Variants in ADAM12 observed in about 807,000 individuals in gnomAD.
ADAM12 encodes disintegrin and metalloproteinase domain-containing protein 12.
ADAM12 carries 70 observed loss-of-function variants against 106.4 expected under a neutral mutation model. The observed-to-expected ratio is 0.66, with a 90% confidence interval of 0.54 to 0.80. The LOEUF is 0.80. Among genes scored for constraint, ADAM12 ranks in the 30% least tolerant of loss-of-function variants. ADAM12 has a pLI of 0.00. For synonymous variants in ADAM12, 420 were observed against 433.5 expected, an observed-to-expected ratio of 0.97 and a Z score of 0.39; for missense variants, 1,010 against 1,171.9, an observed-to-expected ratio of 0.86 and a Z score of 2.02.
intron 3 of ADAM12, among the ~76,000 whole-genome samples, chr10:126,191,544 G>A (rs191533287): frequency 1.3e-5 from 2 of 152,048 alleles, no homozygotes; most frequent in East Asian, 3.9e-4. Context: ...TGGATCAGAG[G>A]GGGTGGGTAA....
Position 126,262,035 on chromosome 10 carries a change from G to C in ADAM12, c.260+16880C>G, listed in dbSNP as rs373117011. On this transcript the variant is annotated intron_variant, in intron 3 of 22. Coordinates refer to ENST00000448723, the MANE Select transcript of ADAM12 (RefSeq NM_001288973.2). ...CATAAGCCATGTTTGTACTGCAGTA[G>C]AATCTTTGAAAAGTCATCAATAGTA... Among the ~76,000 whole-genome samples, 119 of 152,174 alleles carry C rather than the reference G, an allele frequency of 7.8e-4. 1 individual carries two copies. In the South Asian group the frequency reaches 0.023, roughly 30 times the overall value.
At chr10:126,370,323 G>C (rs1283345492) in intron 1 of ADAM12, among the ~76,000 whole-genome samples, 1 of 152,196 alleles carries the variant, frequency 6.6e-6, no homozygotes, top group Non-Finnish European at 1.5e-5. Flanking sequence ...ATGCACTCAT[G>C]CATGTGCATT....
chr10:126,373,056 A>T (rs1463354990), intron 1 of ADAM12, among the ~76,000 whole-genome samples: 2 of 152,226 alleles, frequency 1.3e-5, no homozygotes, highest in Non-Finnish European at 2.9e-5. Flanking sequence ...TTTCCTGTAG[A>T]TAAATTAGTG....
intron 6 of ADAM12, among the ~76,000 whole-genome samples, chr10:126,111,248 T>C (rs1955861796): frequency 6.6e-6 from 1 of 152,212 alleles, no homozygotes. Context: ...ATCTTTACAA[T>C]GTTACAAGAA....
At chr10:126,149,665 C>T (rs571468515) in intron 4 of ADAM12, among the ~76,000 whole-genome samples, 122 of 152,284 alleles carry the variant, frequency 8.0e-4, no homozygotes, top group African/African-American at 2.9e-3. Context: ...AGTTTTCTGG[C>T]CTTTACCTTT....
intron 1 of ADAM12, among the ~76,000 whole-genome samples, chr10:126,358,435 GAATTC>G (rs1258420283): frequency 1.3e-5 from 2 of 152,142 alleles, no homozygotes; most frequent in African/African-American, 4.8e-5. Context: ...GCATTTGACA[GAATTC>G]AATATCCTTT....
At chr10:126,210,555 A>G (rs1957882380) in intron 3 of ADAM12, among the ~76,000 whole-genome samples, 1 of 152,190 alleles carries the variant, frequency 6.6e-6, no homozygotes, top group Non-Finnish European at 1.5e-5. Flanking sequence ...TTCCTGGCTG[A>G]CAGGACGTGA....
chr10:126,142,791 C>T (rs1956537512), intron 4 of ADAM12, among the ~76,000 whole-genome samples: 2 of 152,106 alleles, frequency 1.3e-5, no homozygotes, highest in Non-Finnish European at 1.5e-5. Flanking sequence ...CAGAGAAAAG[C>T]CCATAAATAG....
At chr10:126,076,175 TGG>T (rs1955097630) in intron 11 of ADAM12, among the ~76,000 whole-genome samples, 1 of 152,172 alleles carries the variant, frequency 6.6e-6, no homozygotes, top group East Asian at 1.9e-4. Flanking sequence ...TGAGAACACG[TGG>T]TATTTGACTT....
intron 3 of ADAM12, among the ~76,000 whole-genome samples, chr10:126,259,973 C>T (rs12241208): frequency 0.01 from 1,569 of 152,260 alleles, 26 homozygotes; most frequent in African/African-American, 0.035. Context: ...TCTTGAGTTC[C>T]GTCAAGAATG....
chr10:126,334,718 G>A (rs1487279386), intron 1 of ADAM12, among the ~76,000 whole-genome samples: 2 of 152,118 alleles, frequency 1.3e-5, no homozygotes. Context: ...CCTTGCTCTA[G>A]CCAACCTTCC....
chr10:126,066,131 C>T lies in ADAM12; in HGVS notation c.1413+586G>A, dbSNP rs990346135. 6.6e-6 allele frequency among the ~76,000 whole-genome samples: 1 copy of T among 152,186 alleles called. No individual in the cohort carries two copies. The highest frequency in any genetic ancestry group is 1.5e-5 in the Non-Finnish European group (1 of 68,040). The stretch of plus-strand genomic sequence containing the variant: ...GTTGAATCAAAAGCTCAGGCTTCTA[C>T]TCTCAGATATCAGCTCTGAATAATG... On this transcript the variant is annotated intron_variant, in intron 13 of 22. Coordinates refer to ENST00000448723, the MANE Select transcript of ADAM12 (RefSeq NM_001288973.2). The surrounding 1 kb of genome is among the most constrained non-coding windows in gnomAD (Gnocchi z 5.1).
intron 3 of ADAM12, among the ~76,000 whole-genome samples, chr10:126,176,373 G>A (rs974100607): frequency 6.6e-6 from 1 of 152,194 alleles, no homozygotes; most frequent in Non-Finnish European, 1.5e-5. Context: ...GGTGGGATGC[G>A]TTATCATGAG....
intron 21 of ADAM12, among the ~76,000 whole-genome samples, chr10:126,028,241 G>A (rs1953912878): frequency 1.3e-5 from 2 of 152,216 alleles, no homozygotes; most frequent in South Asian, 2.1e-4. Flanking sequence ...TATGAAAATG[G>A]CCATACTGCC....
intron 2 of ADAM12, among the ~76,000 whole-genome samples, chr10:126,280,404 AAAACG>A (rs1048298745): frequency 6.6e-6 from 1 of 152,196 alleles, no homozygotes; most frequent in African/African-American, 2.4e-5. Context: ...TAAGTTAATT[AAAACG>A]AAATGAAATT....
intron 3 of ADAM12, among the ~76,000 whole-genome samples, chr10:126,204,191 C>T (rs1957754552): frequency 6.6e-6 from 1 of 152,206 alleles, no homozygotes; most frequent in Non-Finnish European, 1.5e-5. Flanking sequence ...CAGCCAGCTC[C>T]AGTCAGTGGA....
intron 1 of ADAM12, among the ~76,000 whole-genome samples, chr10:126,345,510 T>C (rs1449491258): frequency 1.1e-4 from 17 of 152,342 alleles, no homozygotes; most frequent in Admixed American, 2.0e-4. Flanking sequence ...TCTGCCCGGC[T>C]TTGGTATCAG....
At chr10:126,130,655 C>A (rs1050343346) in intron 5 of ADAM12, among the ~76,000 whole-genome samples, 3 of 152,206 alleles carry the variant, frequency 2.0e-5, no homozygotes, top group Non-Finnish European at 4.4e-5. Flanking sequence ...AAGGAACTGG[C>A]AACCCTGACA....
At chr10:126,205,338 A>G (rs893935096) in intron 3 of ADAM12, among the ~76,000 whole-genome samples, 1 of 152,176 alleles carries the variant, frequency 6.6e-6, no homozygotes, top group Non-Finnish European at 1.5e-5. Flanking sequence ...GTTTAAAAAA[A>G]AAAAAACAAC....
Sources: allele counts gnomAD v4.1 joint callset (sites outside exome capture counted in the v4.1 genomes callset), GRCh38; gene constraint gnomAD v4.1.1; non-coding constraint Gnocchi (gnomAD v3.1); transcripts MANE v1.5; gene names NCBI Gene and HGNC (gene_info 2026-07-23, HGNC 2026-07-21).